Variants in GADL1 observed in about 807,000 individuals in gnomAD.
GADL1 encodes GAD like acidic amino acid decarboxylase 1, also known as acidic amino acid decarboxylase GADL1.
GADL1 carries 71 observed loss-of-function variants against 69.5 expected under a neutral mutation model. The observed-to-expected ratio is 1.02, with a 90% CI of 0.84 to 1.25. The LOEUF (loss-of-function observed/expected upper bound fraction) is 1.25, where lower values mean the gene tolerates loss of function less well. GADL1 is among the 50% of genes most tolerant of loss of function. GADL1 has a pLI of 0.00. For missense variants in GADL1, 737 were observed against 631.8 expected (o/e 1.17, Z -1.79); for synonymous variants, 254 against 214.4 (o/e 1.18, Z -1.62).
chr3:30,755,746 C>T (rs997946637), intron 14 of GADL1, among the ~76,000 whole-genome samples: 9 of 152,008 alleles, frequency 5.9e-5, no homozygotes, highest in Admixed American at 1.3e-4. Flanking sequence ...AATTGTTAAA[C>T]GAATGAATGA....
intron 1 of GADL1, among the ~76,000 whole-genome samples, chr3:30,878,279 C>A (rs1158730845): frequency 6.6e-6 from 1 of 151,862 alleles, no homozygotes; most frequent in Non-Finnish European, 1.5e-5. Flanking sequence ...TAACAAAGAT[C>A]ACATTCTACC....
At chr3:30,800,785 T>G (rs1021010883) in intron 12 of GADL1, 104 bp downstream of exon 12, 1 of 929,454 alleles carries the variant, frequency 1.1e-6, no homozygotes, top group African/African-American at 1.7e-5. Flanking sequence ...TCCTTAGGTC[T>G]TCCTATTACA....
chr3:30,884,447 G>A (rs1698678714), intron 1 of GADL1, among the ~76,000 whole-genome samples: 1 of 151,986 alleles, frequency 6.6e-6, no homozygotes, highest in South Asian at 2.1e-4. Context: ...ACCAAATTCA[G>A]TTCCCTAAAT....
intron 1 of GADL1, among the ~76,000 whole-genome samples, chr3:30,875,996 G>A (rs1437272575): frequency 6.6e-6 from 1 of 151,930 alleles, no homozygotes; most frequent in Non-Finnish European, 1.5e-5. Flanking sequence ...AGTTCCTCAG[G>A]AAGCTGATCC....
At chr3:30,856,354 G>A (rs1210763865) in intron 3 of GADL1, among the ~76,000 whole-genome samples, 5 of 152,036 alleles carry the variant, frequency 3.3e-5, no homozygotes, top group Non-Finnish European at 7.4e-5. Context: ...GATATTAACA[G>A]GTAAGCTAGA....
Position 30,854,743 on chromosome 3 carries a change from GTAA to G in GADL1, c.381_383del (p.Tyr128del). ...CGGTCATAAATCGGGCCACCAAGGA[GTAA>G]TAATCAAGTCCAGCATACAATTGGT... On this transcript the variant is annotated inframe_deletion, in exon 4 of 15. Coordinates refer to ENST00000282538, the MANE Select transcript of GADL1 (RefSeq NM_207359.3). 4 of 1,549,086 alleles carry G rather than the reference GTAA, an allele frequency of 2.6e-6. No individual in the cohort carries two copies. Among genetic ancestry groups the G allele is most frequent in the Non-Finnish European group, 3.5e-6 (4 of 1,145,332 alleles).
Position 30,741,962 on chromosome 3 carries a change from C to A in GADL1, c.1393-13547G>T, listed in dbSNP as rs145375769. Among the ~76,000 whole-genome samples, 851 of 152,232 alleles carry A rather than the reference C, an allele frequency of 5.6e-3. 44 individuals carry two copies. In the East Asian group the frequency reaches 0.096, roughly 17 times the overall value. ...CTTTCCCAAGTTCAACTCTCCTAAGCCCACTATGAGGAATTCCAGGCCACA... is the reference window on the plus strand; with the variant it reads ...CTTTCCCAAGTTCAACTCTCCTAAGACCACTATGAGGAATTCCAGGCCACA... On this transcript the variant is annotated intron_variant, in intron 14 of 14. Transcript: ENST00000282538.
In GADL1 at chr3:30,761,631, A is replaced by AAACTATC. The variant is rs573781621; in HGVS notation, c.1392+16541_1392+16547dup. 1.5e-3 allele frequency among the ~76,000 whole-genome samples: 225 copies of AAACTATC among 152,330 alleles called. 1 individual carries two copies. The highest frequency in any genetic ancestry group is 5.2e-3 in the African/African-American group (218 of 41,572). On this transcript the variant is annotated intron_variant, in intron 14 of 14. Transcript: ENST00000282538. ...GTCTAAACCAAACTTTATCCAATTGAAACTATCAATCCTCATCAGTCTGTA... is the reference window on the plus strand; with the variant it reads ...GTCTAAACCAAACTTTATCCAATTGAAACTATCAACTATCAATCCTCATCAGTCTGTA...
At chr3:30,758,970 T>C (rs1696050895) in intron 14 of GADL1, among the ~76,000 whole-genome samples, 1 of 152,214 alleles carries the variant, frequency 6.6e-6, no homozygotes, top group Non-Finnish European at 1.5e-5. Flanking sequence ...AAAACTCTCT[T>C]GCAGTTAGTC....
chr3:30,893,574 T>C (rs1281223818), intron 1 of GADL1, among the ~76,000 whole-genome samples: 2 of 152,184 alleles, frequency 1.3e-5, no homozygotes, highest in African/African-American at 4.8e-5. Flanking sequence ...AACTTTCTAC[T>C]TCTAAGTGCC....
intron 14 of GADL1, among the ~76,000 whole-genome samples, chr3:30,751,725 C>T (rs1180221192): frequency 2.6e-5 from 4 of 152,286 alleles, no homozygotes; most frequent in South Asian, 2.1e-4. Context: ...GATCTATGCA[C>T]TGAGAAACTG....
In GADL1 at chr3:30,861,621, A is replaced by G; in HGVS notation, c.182T>C (p.Val61Ala). ...CTCATTGACATCTGTAGCTTTCAAA[A>G]CCACCTCTTCCATTATTAGCCTACA... ...EACRLIMEEV[V>A]LKATDVNEKV... Residue 61 changes from valine (V) to alanine (A), a missense_variant, in exon 2 of 15, where the codon GTT becomes GCT. Transcript: ENST00000282538. The G allele has an allele frequency of 6.5e-7, 1 of 1,548,854 alleles. No homozygotes were observed. Among genetic ancestry groups the G allele is most frequent in the Non-Finnish European group, 8.7e-7 (1 of 1,145,658 alleles).
chr3:30,836,114 G>T (rs997735378), intron 9 of GADL1, among the ~76,000 whole-genome samples: 2 of 151,922 alleles, frequency 1.3e-5, no homozygotes, highest in African/African-American at 4.8e-5. Flanking sequence ...ACCTCTCTGA[G>T]AACCTATCAG....
At position 30,759,628 on chromosome 3, in the gene GADL1, C is replaced by T. The variant is rs1404285098; in HGVS notation, c.1392+18551G>A. On this transcript the variant is annotated intron_variant, in intron 14 of 14. Coordinates refer to ENST00000282538, the MANE Select transcript of GADL1 (RefSeq NM_207359.3). Reference sequence around the variant, plus strand: ...ATTCCACATTTTGTACATTGCTGAACTATGCCTAAACCTGTTTTTTAAAAG... The same window carrying T: ...ATTCCACATTTTGTACATTGCTGAATTATGCCTAAACCTGTTTTTTAAAAG... Among the ~76,000 whole-genome samples the T allele has an allele frequency of 3.1e-4, 22 of 71,502 alleles. No individual in the cohort carries two copies. In the Admixed American group the frequency reaches 4.0e-3, roughly 13 times the overall value. 46.9% of individuals were successfully genotyped at this position (71,502 alleles called of 152,430 possible). A position where few individuals can be genotyped will look rare whatever the true frequency, so the allele number is the denominator to read the frequency against.
At chr3:30,853,178 G>A (rs778492741) in intron 4 of GADL1, among the ~76,000 whole-genome samples, 6 of 151,994 alleles carry the variant, frequency 3.9e-5, no homozygotes, top group Admixed American at 2.0e-4. Context: ...GTATTGAGCC[G>A]CCTTCTCTCC....
At chr3:30,752,018 T>A (rs1293708450) in intron 14 of GADL1, among the ~76,000 whole-genome samples, 1 of 152,090 alleles carries the variant, frequency 6.6e-6, no homozygotes, top group South Asian at 2.1e-4. Context: ...ATTCTGAAAT[T>A]AAACCCAGTA....
intron 14 of GADL1, among the ~76,000 whole-genome samples, chr3:30,746,824 T>C (rs141712657): frequency 1.3e-5 from 2 of 152,304 alleles, no homozygotes; most frequent in East Asian, 3.9e-4. Flanking sequence ...AGATCTATCA[T>C]ATCTACAAAA....
intron 11 of GADL1, among the ~76,000 whole-genome samples, chr3:30,810,751 C>G (rs1241100302): frequency 6.6e-6 from 1 of 152,100 alleles, no homozygotes; most frequent in Non-Finnish European, 1.5e-5. Flanking sequence ...GCTCGCCTTT[C>G]TTCTCGCTTG....
chr3:30,817,029 C>A (rs969685467), intron 11 of GADL1, among the ~76,000 whole-genome samples: 10 of 152,156 alleles, frequency 6.6e-5, no homozygotes, highest in African/African-American at 1.4e-4. Context: ...AGTGCCCATA[C>A]CCCAGTGACC....
Sources: allele counts gnomAD v4.1 joint callset (sites outside exome capture counted in the v4.1 genomes callset), GRCh38; gene constraint gnomAD v4.1.1; transcripts MANE v1.5; gene names NCBI Gene and HGNC (gene_info 2026-07-23, HGNC 2026-07-21).